Variants in PKD1 observed in about 807,000 individuals in gnomAD.
PKD1 encodes the protein polycystin 1, transient receptor potential channel interacting.
A neutral mutation model predicts 361.7 loss-of-function variants in PKD1; 81 were observed. The ratio of observed to expected loss-of-function variants is 0.22; its 90% CI spans 0.19 to 0.27. PKD1 has a LOEUF of 0.27. Among genes scored for constraint, PKD1 ranks in the 10% least tolerant of loss-of-function variants. The probability of loss-of-function intolerance (pLI) is 1.00; values close to 1 mark genes in which losing one functional copy is unlikely to be tolerated. For synonymous variants in PKD1, 3,615 were observed against 2,818.3 expected (o/e 1.28, Z -8.95); for missense variants, 6,399 against 6,118.3 (o/e 1.05, Z -1.53).
chr16:2,103,474 G>C lies in PKD1; in HGVS notation c.8583C>G (p.Ile2861Met), dbSNP rs762604142. 6.2e-6 allele frequency: 10 copies of C among 1,601,252 alleles called. No homozygotes were observed. The South Asian group carries it at 6.6e-5, about 11-fold the overall frequency. The change falls in exon 23 of 46, where the codon ATC becomes ATG. Residue 2861 changes from isoleucine (I) to methionine (M), a missense_variant. Transcript: ENST00000262304. ...GCTCTGAGGCCAGCCGCTCGATGGG[G>C]ATCTGGGCGCCGGCCTGTGTCTGGA... ...MAFQTQAGAQIPIERLASERA... is the reference protein window; with the variant it reads ...MAFQTQAGAQMPIERLASERA...
chr16:2,091,622 GGAGCGGGTGGCA>G, intron 41 of PKD1, 25 bp from the exon 42 acceptor site: 1 of 1,562,220 alleles, frequency 6.4e-7, no homozygotes, highest in South Asian at 1.2e-5. Context: ...CGGGTCAGTA[GGAGCGGGTGGCA>G]GGGCGGGAGC....
Position 2,102,588 on chromosome 16 carries a change from G to A in PKD1, c.8994C>T (p.His2998=), listed in dbSNP as rs776013663. 110 of 1,611,002 alleles carry A rather than the reference G, an allele frequency of 6.8e-5. No individual in the cohort carries two copies. In the Middle Eastern group the frequency reaches 1.2e-3, roughly 18 times the overall value. The change falls in exon 25 of 46, where the codon CAC becomes CAT. Residue 2998 remains histidine (H), a synonymous_variant. Coordinates refer to ENST00000262304, the MANE Select transcript of PKD1 (RefSeq NM_001009944.3). ...ACACCTGCAGCGCCGACCAGCGGAA[G>A]TGGCTGGAGAGGTTCAGATGGTAAC... is the stretch of plus-strand genomic sequence containing the variant. ...AGSYHLNLSS[H]FRWSALQVSV...
At position 2,107,870 on chromosome 16, in the gene PKD1, G is replaced by T. The variant is rs767014603; in HGVS notation, c.7065+13C>A. ...TGTCCAAGGCAAGTGGCCGAGGGGCGGGCGGCACCCACCGTCTGGTTGGTG... is the reference window on the plus strand; with the variant it reads ...TGTCCAAGGCAAGTGGCCGAGGGGCTGGCGGCACCCACCGTCTGGTTGGTG... On this transcript the variant is annotated intron_variant, in intron 16 of 45. Transcript: ENST00000262304. 1.3e-6 allele frequency: 2 copies of T among 1,542,722 alleles called. No individual in the cohort carries two copies. The highest frequency in any genetic ancestry group is 2.4e-5 in the South Asian group (2 of 83,948).
chr16:2,133,490 T>C (rs2092913562), intron 1 of PKD1, among the ~76,000 whole-genome samples: 1 of 146,786 alleles, frequency 6.8e-6, no homozygotes, highest in South Asian at 2.1e-4. Context: ...TCTGTGTCCT[T>C]CACCTCTCCC....
In PKD1 at chr16:2,090,779, C is replaced by G; in HGVS notation, c.12033G>C (p.Gln4011His). 6.2e-7 allele frequency: 1 copy of G among 1,612,626 alleles called. No individual in the cohort carries two copies. The highest frequency in any genetic ancestry group is 8.5e-7 in the Non-Finnish European group (1 of 1,179,962). Residue 4011 changes from glutamine (Q) to histidine (H), a missense_variant, in exon 44 of 46, where the codon CAG becomes CAC. Coordinates refer to ENST00000262304, the MANE Select transcript of PKD1 (RefSeq NM_001009944.3). ...ATAATGTCTTGCCAAAGACGGACCA[C>G]TGGCGCACGAAGCGTAGCTGCTGGG... The part of the protein sequence containing the change: ...KAAQQLRFVR[Q>H]WSVFGKTLCR...
chr16:2,105,236 G>A lies in PKD1; in HGVS notation c.8016+86C>T, dbSNP rs960204270. On this transcript the variant is annotated intron_variant, in intron 21 of 45. Coordinates refer to ENST00000262304, the MANE Select transcript of PKD1 (RefSeq NM_001009944.3). ...GCCCAGGCTGGAGGCTCAGCTCCTCGGCCAAGCTGCCCGTCTGCCCTGGGG... is the reference window on the plus strand; with the variant it reads ...GCCCAGGCTGGAGGCTCAGCTCCTCAGCCAAGCTGCCCGTCTGCCCTGGGG... 2.7e-4 allele frequency: 367 copies of A among 1,378,238 alleles called. 1 individual carries two copies. The highest frequency in any genetic ancestry group is 5.9e-4 in the Admixed American group (31 of 52,360). The allele number at this position is 1,378,238 out of a possible 1,614,324, so 85.4% of individuals were successfully genotyped here.
Position 2,114,669 on chromosome 16 carries a change from C to T in PKD1, c.2354G>A (p.Arg785Lys). Residue 785 changes from arginine to lysine, a missense_variant, in exon 11 of 46, where the codon AGG becomes AAG. Physicochemically the swap from Arg to Lys is conservative, Grantham distance 26. Coordinates refer to ENST00000262304, the MANE Select transcript of PKD1 (RefSeq NM_001009944.3). ...AGGCAGCCGCAGTCCAGGGTTGGGC[C>T]TCAAGCCCAGCAGCACGGTGAGCTG... is the stretch of plus-strand genomic sequence containing the variant. ...TEQLTVLLGL[R>K]PNPGLRLPGR... 3.2e-6 allele frequency: 5 copies of T among 1,547,558 alleles called. No individual in the cohort carries two copies. The highest frequency in any genetic ancestry group is 4.3e-6 in the Non-Finnish European group (5 of 1,155,022).
chr16:2,127,044 C>T (rs138962236), intron 1 of PKD1, among the ~76,000 whole-genome samples: 1 of 152,122 alleles, frequency 6.6e-6, no homozygotes, highest in Non-Finnish European at 1.5e-5. Context: ...GATGCCCTGG[C>T]CTCAGAAGAG....
chr16:2,098,399 G>A (rs540938222), intron 30 of PKD1, among the ~76,000 whole-genome samples: 24 of 150,796 alleles, frequency 1.6e-4, no homozygotes, highest in African/African-American at 3.2e-4. Flanking sequence ...TAGTAGAGAC[G>A]GGGTTTCACT....
At chr16:2,092,437 A>G (rs749408339) in intron 39 of PKD1, 43 bp downstream of exon 39, 5 of 1,354,490 alleles carry the variant, frequency 3.7e-6, no homozygotes, top group Non-Finnish European at 5.3e-6. Flanking sequence ...CTCTCTCAAC[A>G]AGAGGAACGA....
rs755061621 is a variant in PKD1 at position 2,093,585 on chromosome 16, C to T, written c.10975G>A (p.Glu3659Lys). 8 of 1,607,994 alleles carry T rather than the reference C, an allele frequency of 5.0e-6. No individual in the cohort carries two copies. The highest frequency in any genetic ancestry group is 6.8e-6 in the Non-Finnish European group (8 of 1,177,624). Reference sequence around the variant, plus strand: ...AGCCTCTTGACCTTGCGGGCTTCTTCCTTGGCCAGGAAGAGTGCAAAGCCG... The same window carrying T: ...AGCCTCTTGACCTTGCGGGCTTCTTTCTTGGCCAGGAAGAGTGCAAAGCCG... ...PHGFALFLAKEEARKVKRLHG... is the reference protein window; with the variant it reads ...PHGFALFLAKKEARKVKRLHG... Residue 3659 changes from glutamate to lysine, a missense_variant, in exon 37 of 46, where the codon GAA (glutamate) becomes AAA (lysine). Glu to Lys is a moderately conservative substitution (Grantham distance 56). Coordinates refer to ENST00000262304, the MANE Select transcript of PKD1 (RefSeq NM_001009944.3).
Position 2,090,076 on chromosome 16 carries a change from G to C in PKD1, c.12563C>G (p.Ser4188Cys). Residue 4188 changes from serine (S) to cysteine (C), a missense_variant, in exon 46 of 46, where the codon TCC becomes TGC. By Grantham distance (112) the Ser-to-Cys change is moderately radical. Transcript: ENST00000262304. Reference protein sequence around the residue: ...PSAGSDASHPSTSSSQLDGLS... With the variant: ...PSAGSDASHPCTSSSQLDGLS... Reference sequence around the variant, plus strand: ...CCCATCCAGCTGGCTGGAGGAGGTGGAGGGGTGCGAGGCATCGGAGCCAGC... The same window carrying C: ...CCCATCCAGCTGGCTGGAGGAGGTGCAGGGGTGCGAGGCATCGGAGCCAGC... 1 of 1,610,006 alleles carries C rather than the reference G, an allele frequency of 6.2e-7. No individual in the cohort carries two copies. Among genetic ancestry groups the C allele is most frequent in the East Asian group, 2.2e-5 (1 of 44,796 alleles).
rs938492146 is a variant in PKD1 at position 2,090,736 on chromosome 16, G to C, written c.12076C>G (p.Leu4026Val). 1.5e-5 allele frequency: 24 copies of C among 1,612,532 alleles called. No individual in the cohort carries two copies. Among genetic ancestry groups the C allele is most frequent in the Non-Finnish European group, 1.9e-5 (23 of 1,179,976 alleles). ...ACCAGGCCCAAGGTGACCCCCAGGA[G>C]CTCTGGCAGAGCTCGGCATAATGTC... ...GKTLCRALPE[L>V]LGVTLGLVVL... is the part of the protein sequence containing the mutation. Residue 4026 changes from leucine to valine, a missense_variant, in exon 44 of 46, where the codon CTC (leucine) becomes GTC (valine). Leu to Val is a conservative substitution (Grantham distance 32). Coordinates refer to ENST00000262304, the MANE Select transcript of PKD1 (RefSeq NM_001009944.3).
At chr16:2,120,706 G>C (rs893058691) in intron 1 of PKD1, among the ~76,000 whole-genome samples, 2 of 152,072 alleles carry the variant, frequency 1.3e-5, no homozygotes, top group African/African-American at 2.4e-5. Flanking sequence ...GGTCTCGAAA[G>C]AAAACAAAGA....
intron 10 of PKD1, 46 bp from the exon 11 acceptor site, chr16:2,114,971 C>T: frequency 1.3e-6 from 2 of 1,518,116 alleles, no homozygotes; most frequent in South Asian, 2.4e-5. Flanking sequence ...ACGGTCATGG[C>T]CCGTGGACCC....
intron 1 of PKD1, among the ~76,000 whole-genome samples, chr16:2,122,054 G>T (rs1305899001): frequency 1.3e-5 from 2 of 152,258 alleles, no homozygotes; most frequent in Admixed American, 1.3e-4. Flanking sequence ...GCTGCCCGGT[G>T]GGGCCCGGGG....
chr16:2,100,799 T>C lies in PKD1; in HGVS notation c.9398-233A>G. 1 of 574,316 alleles carries C rather than the reference T, an allele frequency of 1.7e-6. No homozygotes were observed. 35.6% of individuals were successfully genotyped at this position (574,316 alleles called of 1,614,324 possible). A position where few individuals can be genotyped will look rare whatever the true frequency, so the allele number is the denominator to read the frequency against. ...ATGGAAAGAACTGTAACTTGTGACATGCAAACATGGCTGCACACGCCTCAG... is the reference window on the plus strand; with the variant it reads ...ATGGAAAGAACTGTAACTTGTGACACGCAAACATGGCTGCACACGCCTCAG... On this transcript the variant is annotated intron_variant, in intron 26 of 45. Coordinates refer to ENST00000262304, the MANE Select transcript of PKD1 (RefSeq NM_001009944.3). This position sits in a 1 kb window ranked among gnomAD's most constrained non-coding sequence, Gnocchi z 4.4.
rs1176568988 is a variant in PKD1 at position 2,102,129 on chromosome 16, G to C, written c.9329C>G (p.Pro3110Arg). The C allele has an allele frequency of 1.9e-6, 3 of 1,569,100 alleles. No individual in the cohort carries two copies. The highest frequency in any genetic ancestry group is 2.6e-6 in the Non-Finnish European group (3 of 1,151,002). The change falls in exon 26 of 46, where the codon CCT (proline) becomes CGT (arginine). Residue 3110 changes from proline (P) to arginine (R), a missense_variant. Pro to Arg is a moderately radical substitution (Grantham distance 103). Coordinates refer to ENST00000262304, the MANE Select transcript of PKD1 (RefSeq NM_001009944.3). ...GAAGCGGCCCCGCTGCCCACAGAAA[G>C]GGATGGCGCGGCCCCGGCTGGCATC... ...QLDASRGRAI[P>R]FCGQRGRFKY...
At position 2,109,305 on chromosome 16, in the gene PKD1, G is replaced by A. The variant is rs1213388603; in HGVS notation, c.5862C>T (p.Asn1954=). 10 of 1,586,028 alleles carry A rather than the reference G, an allele frequency of 6.3e-6. No homozygotes were observed. Among genetic ancestry groups the A allele is most frequent in the Non-Finnish European group, 8.6e-6 (10 of 1,168,952 alleles). ...GDHVVSVRGK[N]HVSWAQAQVR... is the part of the protein sequence containing the mutation. ...CCTGCGCCTGGGCCCAGCTCACGTG[G>A]TTTTTGCCCCGCACGCTCACCACGT... Residue 1954 remains asparagine (N), a synonymous_variant, in exon 15 of 46, where the codon AAC becomes AAT. Coordinates refer to ENST00000262304, the MANE Select transcript of PKD1 (RefSeq NM_001009944.3).
Sources: allele counts gnomAD v4.1 joint callset (sites outside exome capture counted in the v4.1 genomes callset), GRCh38; gene constraint gnomAD v4.1.1; non-coding constraint Gnocchi (gnomAD v3.1); transcripts MANE v1.5; gene names NCBI Gene and HGNC (gene_info 2026-07-23, HGNC 2026-07-21).